The following TENM3 variants were observed in gnomAD, a reference collection of about 807,000 sequenced individuals.
The protein encoded by TENM3 is teneurin-3.
Under a neutral mutation model 255.1 loss-of-function variants are expected in TENM3, and 63 were observed. The observed-to-expected ratio is 0.25, with a 90% CI of 0.20 to 0.30. TENM3 has a LOEUF of 0.30. TENM3 is among the 10% of genes least tolerant of loss of function. The pLI is 1.00. For synonymous variants in TENM3, 1,306 were observed against 1,322.3 expected (o/e 0.99, Z 0.27); for missense variants, 2,929 against 3,461.1 (o/e 0.85, Z 3.86).
chr4:181,484,213 A>G, the TENM3 span, among the ~76,000 whole-genome samples: 1 of 152,088 alleles, frequency 6.6e-6, no homozygotes, highest in Non-Finnish European at 1.5e-5. Context: ...CTAAAGCAAC[A>G]CAGTAAGCGG....
At chr4:182,269,392 A>G (rs1759462304) in intron 1 of TENM3, among the ~76,000 whole-genome samples, 3 of 152,200 alleles carry the variant, frequency 2.0e-5, no homozygotes, top group African/African-American at 7.2e-5. Context: ...TATAGATGTG[A>G]GAGTACTGGA....
chr4:182,171,300 T>C (rs532167866), intron 1 of TENM3, among the ~76,000 whole-genome samples: 3 of 152,188 alleles, frequency 2.0e-5, no homozygotes, highest in African/African-American at 7.2e-5. Context: ...GAGCCCAAGA[T>C]TAAATCAGGG....
the TENM3 span, among the ~76,000 whole-genome samples, chr4:181,605,206 G>A: frequency 6.6e-6 from 1 of 151,800 alleles, no homozygotes; most frequent in African/African-American, 2.4e-5. Context: ...ACCACTTCGC[G>A]AGGCCGAAGT....
the TENM3 span, among the ~76,000 whole-genome samples, chr4:181,475,928 C>T: frequency 1.3e-5 from 2 of 152,230 alleles, no homozygotes; most frequent in African/African-American, 4.8e-5. Context: ...TTCACCCCGC[C>T]GAGGTCTCCC....
At chr4:182,191,207 G>T (rs143739847) in intron 1 of TENM3, among the ~76,000 whole-genome samples, 57 of 152,216 alleles carry the variant, frequency 3.7e-4, no homozygotes, top group African/African-American at 1.2e-3. Flanking sequence ...ATTCATTTAC[G>T]TAAAGATTGA....
the TENM3 span, among the ~76,000 whole-genome samples, chr4:182,103,909 G>T: frequency 1.3e-5 from 2 of 152,122 alleles, no homozygotes; most frequent in Non-Finnish European, 2.9e-5. Flanking sequence ...ATTTTATCGG[G>T]TGTTCTTTGT....
intron 3 of TENM3, among the ~76,000 whole-genome samples, chr4:182,554,210 C>T (rs1010728947): frequency 2.0e-5 from 3 of 152,160 alleles, no homozygotes; most frequent in Non-Finnish European, 4.4e-5. Flanking sequence ...TCTGATTAAT[C>T]TTTTCTTTCG....
the TENM3 span, among the ~76,000 whole-genome samples, chr4:181,482,734 T>A: frequency 2.6e-3 from 401 of 152,284 alleles, 3 homozygotes; most frequent in African/African-American, 9.3e-3. Context: ...GAAGGTCCAC[T>A]GCATATGTTT....
At chr4:182,440,824 T>G (rs1580548706) in intron 3 of TENM3, among the ~76,000 whole-genome samples, 1 of 152,170 alleles carries the variant, frequency 6.6e-6, no homozygotes, top group East Asian at 1.9e-4. Context: ...TCTAGAGGTT[T>G]TTTTTTTTTT....
intron 1 of TENM3, among the ~76,000 whole-genome samples, chr4:182,264,563 T>G (rs1388091652): frequency 6.6e-6 from 1 of 152,240 alleles, no homozygotes; most frequent in Non-Finnish European, 1.5e-5. Context: ...TGTCCTGTGC[T>G]GTAGCTCAGT....
At chr4:181,614,404 A>G in the TENM3 span, among the ~76,000 whole-genome samples, 1 of 152,166 alleles carries the variant, frequency 6.6e-6, no homozygotes, top group Non-Finnish European at 1.5e-5. Context: ...AAATCACCAG[A>G]CACAACCAAC....
At chr4:181,803,224 A>G in the TENM3 span, among the ~76,000 whole-genome samples, 4 of 152,034 alleles carry the variant, frequency 2.6e-5, no homozygotes, top group East Asian at 7.7e-4. Flanking sequence ...TGACAACCCA[A>G]CTCCCCCTCC....
At chr4:182,720,696 C>T (rs1759646296) in intron 13 of TENM3, among the ~76,000 whole-genome samples, 1 of 151,792 alleles carries the variant, frequency 6.6e-6, no homozygotes. Context: ...GATTTAACCA[C>T]TGCATCTTAA....
At chr4:182,346,507 C>G in intron 2 of TENM3, 144 bp from the exon 3 acceptor site, 1 of 811,158 alleles carries the variant, frequency 1.2e-6, no homozygotes. Flanking sequence ...TGTGACGCTA[C>G]TGTAAACGCC....
chr4:181,471,089 C>T, the TENM3 span, among the ~76,000 whole-genome samples: 1 of 152,118 alleles, frequency 6.6e-6, no homozygotes, highest in Non-Finnish European at 1.5e-5. Flanking sequence ...CTCATGCCCA[C>T]TCCTGGACTG....
the TENM3 span, among the ~76,000 whole-genome samples, chr4:181,715,547 A>G: frequency 6.6e-6 from 1 of 152,238 alleles, no homozygotes; most frequent in South Asian, 2.1e-4. Context: ...TTAATAATTC[A>G]AGACAAAGAG....
At chr4:182,007,688 C>A in the TENM3 span, among the ~76,000 whole-genome samples, 1 of 152,288 alleles carries the variant, frequency 6.6e-6, no homozygotes, top group Admixed American at 6.5e-5. Context: ...ATTTGCCAGT[C>A]TGTGTCTTTT....
the TENM3 span, among the ~76,000 whole-genome samples, chr4:181,859,242 C>CAAAAA: frequency 8.6e-4 from 72 of 84,102 alleles, no homozygotes; most frequent in Admixed American, 1.0e-3. Context: ...GACTCGGTCT[C>CAAAAA]AAAAAAAAAA....
the TENM3 span, among the ~76,000 whole-genome samples, chr4:181,637,237 C>A: frequency 1.3e-3 from 191 of 152,140 alleles, 1 homozygote; most frequent in African/African-American, 4.3e-3. Context: ...AAAAAAACTT[C>A]AGTGTCTTAT....
Sources: gnomAD v4.1 joint callset for allele counts (sites outside exome capture counted in the v4.1 genomes callset) on GRCh38, gnomAD v4.1.1 for gene constraint, MANE v1.5 for transcripts, NCBI Gene and HGNC (gene_info 2026-07-23, HGNC 2026-07-21) for gene names.